The following NF1 variants were observed in gnomAD, a reference collection of about 807,000 sequenced individuals.
NF1 encodes neurofibromin.
A neutral mutation model predicts 325.7 loss-of-function variants in NF1; 122 were observed. That is an observed-to-expected ratio of 0.37 (90% CI 0.32 to 0.44). The LOEUF (loss-of-function observed/expected upper bound fraction) is 0.44. NF1 is among the 20% of genes least tolerant of loss of function. The probability of loss-of-function intolerance (pLI) is 1.00; values close to 1 mark genes in which losing one functional copy is unlikely to be tolerated. For missense variants in NF1, 2,140 were observed against 3,415.4 expected (o/e 0.63, Z 9.31); for synonymous variants, 1,091 against 1,186.0 (o/e 0.92, Z 1.65).
intron 36 of NF1, among the ~76,000 whole-genome samples, chr17:31,268,861 G>A (rs2067838739): frequency 1.3e-5 from 2 of 151,730 alleles, no homozygotes; most frequent in Admixed American, 1.3e-4. Flanking sequence ...ACCACAGCTG[G>A]CTAATTTATT....
intron 29 of NF1, among the ~76,000 whole-genome samples, chr17:31,236,486 C>G (rs1309958908): frequency 6.6e-6 from 1 of 152,090 alleles, no homozygotes; most frequent in Non-Finnish European, 1.5e-5. Context: ...GCCATTCAGG[C>G]TGGGGTGCAC....
chr17:31,166,293 A>T (rs979235653), intron 4 of NF1, among the ~76,000 whole-genome samples: 7 of 152,022 alleles, frequency 4.6e-5, no homozygotes, highest in African/African-American at 1.7e-4. Flanking sequence ...GTTTTTTTAT[A>T]TGTCTCTGAT....
chr17:31,331,544 TA>T (rs2069487386), intron 39 of NF1: 1 of 152,116 alleles, frequency 6.6e-6, no homozygotes, highest in Non-Finnish European at 1.5e-5. Flanking sequence ...GTACAATAAT[TA>T]AAACATACAT....
chr17:31,197,871 C>T (rs765583025), intron 8 of NF1, among the ~76,000 whole-genome samples: 1 of 152,166 alleles, frequency 6.6e-6, no homozygotes, highest in Non-Finnish European at 1.5e-5. Flanking sequence ...GCATCCTCAT[C>T]CTGTTCCTGA....
chr17:31,265,955 T>G (rs772100499), intron 36 of NF1, among the ~76,000 whole-genome samples: 11 of 152,190 alleles, frequency 7.2e-5, no homozygotes, highest in Admixed American at 1.3e-4. Flanking sequence ...CCATTGTCTT[T>G]TCTTTTTTGC....
At chr17:31,280,396 A>G (rs1039907351) in intron 36 of NF1, among the ~76,000 whole-genome samples, 1 of 151,232 alleles carries the variant, frequency 6.6e-6, no homozygotes. Context: ...ATGTGCCTGT[A>G]ATCCCAGCTA....
intron 30 of NF1, chr17:31,251,847 G>T (rs1481066592): frequency 4.6e-6 from 1 of 215,326 alleles, no homozygotes; most frequent in East Asian, 6.8e-5. Context: ...TCTTTGGATG[G>T]ATGAATGGGT....
rs886052794 is a variant in NF1, at chr17:31,095,226, C to T, written c.-84C>T. On this transcript the variant is annotated 5_prime_UTR_variant, in exon 1 of 58. Transcript: ENST00000358273. ...GACCCTCTCCTTGCCTCTTCCCTCA[C>T]CTCAGCCTCCGCTCCCCGCCCTCTT... 10 of 1,342,104 alleles carry T rather than the reference C, an allele frequency of 7.5e-6. No homozygotes were observed. In the East Asian group the frequency reaches 2.0e-4, roughly 27 times the overall value. The allele number at this position is 1,342,104 out of a possible 1,614,324, so 83.1% of individuals were successfully genotyped here.
chr17:31,288,026 A>G (rs990539108), intron 36 of NF1, among the ~76,000 whole-genome samples: 5 of 151,918 alleles, frequency 3.3e-5, no homozygotes, highest in Non-Finnish European at 7.4e-5. Flanking sequence ...GCACATGTAT[A>G]CATATGTAAC....
intron 36 of NF1, among the ~76,000 whole-genome samples, chr17:31,271,474 G>A (rs1039337400): frequency 4.6e-5 from 7 of 152,080 alleles, no homozygotes; most frequent in East Asian, 3.9e-4. Context: ...AATATAGACC[G>A]GGCATGGTGG....
chr17:31,158,921 G>A, intron 2 of NF1, 89 bp from the exon 3 acceptor site: 1 of 762,750 alleles, frequency 1.3e-6, no homozygotes, highest in Non-Finnish European at 2.4e-6. Flanking sequence ...GACTATTGTT[G>A]ATCTTTTAGT....
Position 31,232,789 on chromosome 17 carries a change from C to CT in NF1, c.3405dup (p.Arg1136SerfsTer59). On this transcript the variant is annotated frameshift_variant, in exon 26 of 58. Coordinates refer to ENST00000358273, the MANE Select transcript of NF1 (RefSeq NM_001042492.3). LOFTEE classifies it high-confidence loss of function. ...ACAGGTGGCAGGAAACGTGGCATGT[C>CT]TCGGAGGCTGGCATCACTGAGGCAC... The CT allele has an allele frequency of 6.2e-7, 1 of 1,614,032 alleles. No individual in the cohort carries two copies. Among genetic ancestry groups the CT allele is most frequent in the Non-Finnish European group, 8.5e-7 (1 of 1,180,000 alleles).
At chr17:31,365,146 G>A (rs560576561) in intron 57 of NF1, among the ~76,000 whole-genome samples, 95 of 151,996 alleles carry the variant, frequency 6.3e-4, no homozygotes, top group Non-Finnish European at 1.1e-3. Context: ...TTAGCCAGGC[G>A]TAGTGGCATG....
chr17:31,260,063 C>A (rs1567862694), intron 33 of NF1, among the ~76,000 whole-genome samples: 1 of 152,160 alleles, frequency 6.6e-6, no homozygotes, highest in African/African-American at 2.4e-5. Context: ...TTGGGGAGGT[C>A]TTTCGTCTGG....
At chr17:31,176,630 T>TA (rs1177329878) in intron 5 of NF1, among the ~76,000 whole-genome samples, 1 of 152,232 alleles carries the variant, frequency 6.6e-6, no homozygotes, top group Non-Finnish European at 1.5e-5. Flanking sequence ...CTAGGGTTTT[T>TA]ATGGTTTTAG....
chr17:31,158,709 C>T (rs1479134707), intron 2 of NF1, among the ~76,000 whole-genome samples: 1 of 152,054 alleles, frequency 6.6e-6, no homozygotes, highest in African/African-American at 2.4e-5. Flanking sequence ...ATTCAAGATT[C>T]TGGTACAGGT....
Position 31,252,712 on chromosome 17 carries a change from A to G in NF1, c.4111-226A>G, listed in dbSNP as rs1025862676. On this transcript the variant is annotated intron_variant, in intron 30 of 57. Coordinates refer to ENST00000358273, the MANE Select transcript of NF1 (RefSeq NM_001042492.3). ...TTCATAGCCAGAAATAGTAGACATGATTGGGTCTCAACATTTCTTGCTGTT... is the reference window on the plus strand; with the variant it reads ...TTCATAGCCAGAAATAGTAGACATGGTTGGGTCTCAACATTTCTTGCTGTT... The G allele has an allele frequency of 7.5e-6, 4 of 530,928 alleles. No individual in the cohort carries two copies. In the East Asian group the frequency reaches 1.2e-4, roughly 16 times the overall value. 32.9% of individuals were successfully genotyped at this position (530,928 alleles called of 1,614,324 possible).
At chr17:31,182,914 C>A in intron 8 of NF1, 1 of 601,002 alleles carries the variant, frequency 1.7e-6, no homozygotes, top group South Asian at 2.1e-5. Flanking sequence ...ATTCTTTTGT[C>A]TGAGAAGACT....
chr17:31,295,478 G>C, intron 36 of NF1: 1 of 1,614,160 alleles, frequency 6.2e-7, no homozygotes, highest in Non-Finnish European at 8.5e-7. Context: ...GGTGTCCACT[G>C]TCTGCATCCC....
Sources: allele counts gnomAD v4.1 joint callset (sites outside exome capture counted in the v4.1 genomes callset), GRCh38; gene constraint gnomAD v4.1.1; transcripts MANE v1.5; gene names NCBI Gene and HGNC (gene_info 2026-07-23, HGNC 2026-07-21).